SLC6A5: variants seen among roughly 807,000 people sequenced by gnomAD.
SLC6A5 encodes solute carrier family 6 member 5.
A neutral mutation model predicts 90.5 loss-of-function variants in SLC6A5; 58 were observed. That is an observed-to-expected ratio of 0.64 (90% CI 0.52 to 0.80). SLC6A5 has a LOEUF of 0.80. SLC6A5 is among the 30% of genes least tolerant of loss of function. The pLI, the probability that SLC6A5 is intolerant of heterozygous loss-of-function variation, is 0.00. For missense variants in SLC6A5, 1,015 were observed against 1,017.6 expected (o/e 1.00, Z 0.03); for synonymous variants, 427 against 401.4 (o/e 1.06, Z -0.76).
rs754226256 is a variant in SLC6A5 at position 20,607,080 on chromosome 11, G to C, written c.753G>C (p.Leu251=). 3.1e-6 allele frequency: 5 copies of C among 1,613,898 alleles called. No individual in the cohort carries two copies. In the South Asian group the frequency reaches 5.5e-5, roughly 18 times the overall value. Residue 251 remains leucine, a synonymous_variant, in exon 4 of 16, where the codon CTG becomes CTC. Coordinates refer to ENST00000525748, the MANE Select transcript of SLC6A5 (RefSeq NM_004211.5). ...GLPIFFLEVS[L]GQFASQGPVS... ...CCATCTTCTTCTTGGAGGTGTCGCT[G>C]GGCCAGTTTGCCAGCCAGGGACCAG... is the stretch of plus-strand genomic sequence containing the variant.
chr11:20,637,092 A>G (rs1208028160), intron 11 of SLC6A5, 80 bp from the exon 12 acceptor site: 1 of 1,415,254 alleles, frequency 7.1e-7, no homozygotes, highest in East Asian at 2.3e-5. Flanking sequence ...ACTTTCCTGG[A>G]TGGGACATAC....
intron 6 of SLC6A5, 102 bp from the exon 7 acceptor site, chr11:20,617,650 G>C: frequency 9.9e-7 from 1 of 1,014,452 alleles, no homozygotes; most frequent in Admixed American, 1.7e-5. Context: ...CTGGGGTTTT[G>C]TGCAAGCCTC....
intron 14 of SLC6A5, 119 bp downstream of exon 14, chr11:20,647,053 G>C: frequency 1.3e-6 from 1 of 776,508 alleles, no homozygotes; most frequent in South Asian, 1.4e-5. Context: ...GGAGCTGGTA[G>C]GTTGGGTGGT....
Position 20,652,435 on chromosome 11 carries a change from G to A in SLC6A5, c.2217G>A (p.Leu739=), listed in dbSNP as rs1343413897. Residue 739 remains leucine, a synonymous_variant, in exon 15 of 16, where the codon CTG becomes CTA. Transcript: ENST00000525748. The part of the protein sequence containing the change: ...IPIMFVIKMH[L]APGRFIERLK... ...TTATGTTTGTGATAAAAATGCATCT[G>A]GCCCCTGGAAGATTTATTGAGGTAA... is the stretch of plus-strand genomic sequence containing the variant. 55 of 1,613,930 alleles carry A rather than the reference G, an allele frequency of 3.4e-5. No individual in the cohort carries two copies. Among genetic ancestry groups the A allele is most frequent in the Non-Finnish European group, 4.5e-5 (53 of 1,179,958 alleles).
At position 20,601,476 on chromosome 11, in the gene SLC6A5, G is replaced by A. The variant is rs370151412; in HGVS notation, c.351G>A (p.Ala117=). ...CCGGGAGCTCCGGGCCCGGCAACGC[G>A]CTGCACTGTAAGATCCCTTTTCTGC... ...PPPGSSGPGN[A]LHCKIPFLRG... Residue 117 remains alanine, a synonymous_variant, in exon 2 of 16, where the codon GCG becomes GCA. Coordinates refer to ENST00000525748, the MANE Select transcript of SLC6A5 (RefSeq NM_004211.5). The A allele has an allele frequency of 1.9e-5, 30 of 1,612,586 alleles. No homozygotes were observed. The highest frequency in any genetic ancestry group is 4.4e-5 in the South Asian group (4 of 90,834).
intron 9 of SLC6A5, among the ~76,000 whole-genome samples, chr11:20,628,676 G>A (rs1419370322): frequency 2.0e-5 from 3 of 152,128 alleles, no homozygotes; most frequent in South Asian, 2.1e-4. Flanking sequence ...AACAGACTAT[G>A]GTATTTAAAC....
At chr11:20,630,596 G>C in intron 9 of SLC6A5, 95 bp from the exon 10 acceptor site, 1 of 1,426,018 alleles carries the variant, frequency 7.0e-7, no homozygotes, top group South Asian at 1.2e-5. Flanking sequence ...CACATGTGCA[G>C]ACAAACATGT....
intron 5 of SLC6A5, among the ~76,000 whole-genome samples, chr11:20,607,885 A>G (rs185936036): frequency 1.5e-3 from 231 of 152,328 alleles, no homozygotes; most frequent in Non-Finnish European, 2.5e-3. Flanking sequence ...AATCTTTGTT[A>G]AAAATGCAGG....
At chr11:20,653,509 G>A (rs1400494786) in intron 15 of SLC6A5, among the ~76,000 whole-genome samples, 1 of 152,204 alleles carries the variant, frequency 6.6e-6, no homozygotes, top group African/African-American at 2.4e-5. Context: ...ATCCCATTGA[G>A]GCTCTGGAGG....
intron 6 of SLC6A5, among the ~76,000 whole-genome samples, chr11:20,615,477 C>T (rs953715919): frequency 1.3e-5 from 2 of 152,126 alleles, no homozygotes; most frequent in Non-Finnish European, 2.9e-5. Flanking sequence ...AAGTTATTCT[C>T]CTGCCTCAGC....
At chr11:20,600,227 A>G (rs985825276) in intron 1 of SLC6A5, among the ~76,000 whole-genome samples, 2 of 152,102 alleles carry the variant, frequency 1.3e-5, no homozygotes, top group African/African-American at 4.8e-5. Flanking sequence ...TTGAAAGTGA[A>G]TTGGGAAAAA....
chr11:20,604,224 G>T (rs916225331), intron 2 of SLC6A5, 62 bp from the exon 3 acceptor site: 1 of 1,548,852 alleles, frequency 6.5e-7, no homozygotes, highest in African/African-American at 1.4e-5. Context: ...GGGGAGGGTG[G>T]AAGGGGCCTG....
In SLC6A5 at chr11:20,654,003, TAGTC is replaced by T. The variant is rs374182376; in HGVS notation, c.2239-707_2239-704del. ...TAATAAACATATAATTGTTCCCTCT[TAGTC>T]AGAAATATGTTTTCTTTCCTTTTTC... On this transcript the variant is annotated intron_variant, in intron 15 of 15. Transcript: ENST00000525748. 2.1e-3 allele frequency among the ~76,000 whole-genome samples: 315 copies of T among 152,350 alleles called. 2 individuals carry two copies. Among genetic ancestry groups the T allele is most frequent in the African/African-American group, 7.3e-3 (305 of 41,582 alleles).
At chr11:20,611,186 G>T (rs1852686269) in intron 5 of SLC6A5, among the ~76,000 whole-genome samples, 1 of 152,150 alleles carries the variant, frequency 6.6e-6, no homozygotes, top group African/African-American at 2.4e-5. Context: ...TTTAAGCAGG[G>T]GCTCATGCCT....
chr11:20,642,072 A>G (rs1486795446), intron 13 of SLC6A5, among the ~76,000 whole-genome samples: 2 of 152,102 alleles, frequency 1.3e-5, no homozygotes. Flanking sequence ...AAGTATACAC[A>G]AGACTGGAGA....
chr11:20,601,463 G>C lies in SLC6A5; in HGVS notation c.338G>C (p.Gly113Ala). 6.2e-7 allele frequency: 1 copy of C among 1,610,834 alleles called. No homozygotes were observed. The highest frequency in any genetic ancestry group is 8.5e-7 in the Non-Finnish European group (1 of 1,178,620). The change falls in exon 2 of 16, where the codon GGG becomes GCG. Residue 113 changes from glycine (G) to alanine (A), a missense_variant. Around this residue, in one of 3 missense-constraint regions of SLC6A5, gnomAD observed 567 missense variants for 507.3 expected, o/e 1.12. Transcript: ENST00000525748. ...GCCTCGCCCCCTCCCGGGAGCTCCG[G>C]GCCCGGCAACGCGCTGCACTGTAAG... ...AQASPPPGSS[G>A]PGNALHCKIP... is the part of the protein sequence containing the mutation.
chr11:20,650,359 A>G (rs1403569599), intron 14 of SLC6A5, among the ~76,000 whole-genome samples: 1 of 152,130 alleles, frequency 6.6e-6, no homozygotes, highest in Non-Finnish European at 1.5e-5. Flanking sequence ...CTTCAGCTGC[A>G]CTGGCCAAGT....
At chr11:20,654,278 T>C (rs1853597215) in intron 15 of SLC6A5, among the ~76,000 whole-genome samples, 1 of 152,222 alleles carries the variant, frequency 6.6e-6, no homozygotes, top group Non-Finnish European at 1.5e-5. Flanking sequence ...ATGCAATTAT[T>C]TAGATGTAGC....
intron 14 of SLC6A5, 34 bp from the exon 15 acceptor site, chr11:20,652,255 C>A (rs745529370): frequency 6.2e-7 from 1 of 1,608,738 alleles, no homozygotes; most frequent in South Asian, 1.1e-5. Context: ...TTCACGCCAC[C>A]ACCCTAACAC....
Sources: allele counts gnomAD v4.1 joint callset (sites outside exome capture counted in the v4.1 genomes callset), GRCh38; gene constraint gnomAD v4.1.1; regional missense constraint gnomAD v4.1.1; transcripts MANE v1.5; gene names NCBI Gene and HGNC (gene_info 2026-07-23, HGNC 2026-07-21).